The following DCAF5 variants were observed in gnomAD, a reference collection of about 807,000 sequenced individuals.
DCAF5 encodes the protein DDB1- and CUL4-associated factor 5.
DCAF5 carries 9 observed loss-of-function variants against 80.7 expected under a neutral mutation model. The ratio of observed to expected loss-of-function variants is 0.11; its 90% confidence interval spans 0.07 to 0.19. DCAF5 has a LOEUF of 0.19. Ranked by LOEUF, DCAF5 falls within the 10% of genes least tolerant of loss-of-function variation. The pLI, the probability that DCAF5 is intolerant of heterozygous loss-of-function variation, is 1.00. For synonymous variants in DCAF5, 433 were observed against 461.9 expected (o/e 0.94, Z 0.80); for missense variants, 842 against 1,205.7 (o/e 0.70, Z 4.47).
chr14:69,143,738 A>G (rs1313121177), intron 1 of DCAF5: 7 of 152,452 alleles, frequency 4.6e-5, no homozygotes, highest in African/African-American at 1.7e-4. Flanking sequence ...ACTAAAACTG[A>G]AAAGAACAAA....
intron 1 of DCAF5, among the ~76,000 whole-genome samples, chr14:69,141,255 A>G (rs1393076592): frequency 1.3e-5 from 2 of 151,888 alleles, no homozygotes; most frequent in East Asian, 3.9e-4. Context: ...TGAGGAGCTA[A>G]GAGACTGGGG....
rs2041738114 is a variant in DCAF5 at position 69,152,477 on chromosome 14, T to C, written c.214+288A>G. 6.3e-6 allele frequency: 2 copies of C among 319,022 alleles called. No individual in the cohort carries two copies. The highest frequency in any genetic ancestry group is 6.0e-5 in the South Asian group (1 of 16,806). 19.8% of individuals were successfully genotyped at this position (319,022 alleles called of 1,614,324 possible). A position where few individuals can be genotyped will look rare whatever the true frequency, so the allele number is the denominator to read the frequency against. On this transcript the variant is annotated intron_variant, in intron 1 of 8. Coordinates refer to ENST00000341516, the MANE Select transcript of DCAF5 (RefSeq NM_003861.3). This position sits in a 1 kb window ranked among gnomAD's most constrained non-coding sequence, Gnocchi z 4.1. ...TTGTAGAGCGGTAACCTCGCCCCCC[T>C]CCCCGACCTACACTTTCAGGGCAGG...
intron 5 of DCAF5, among the ~76,000 whole-genome samples, chr14:69,097,691 A>G (rs2039778830): frequency 6.6e-6 from 1 of 150,744 alleles, no homozygotes; most frequent in Admixed American, 6.6e-5. Context: ...GGTTCAAGCA[A>G]CTCTCCTGCC....
At chr14:69,150,982 A>G (rs1273845580) in intron 1 of DCAF5, among the ~76,000 whole-genome samples, 1 of 152,190 alleles carries the variant, frequency 6.6e-6, no homozygotes, top group East Asian at 1.9e-4. Context: ...GTTGTCTCTA[A>G]AAGAGTACCC....
intron 5 of DCAF5, among the ~76,000 whole-genome samples, chr14:69,107,072 TAAG>T (rs1202182256): frequency 1.4e-5 from 1 of 73,702 alleles, no homozygotes; most frequent in Non-Finnish European, 3.2e-5. Flanking sequence ...AATAATTAAA[TAAG>T]AAAGTCCATT....
rs2037955206 is a variant in DCAF5, at chr14:69,055,970, T to A, written c.1075-359A>T. 6.6e-6 allele frequency among the ~76,000 whole-genome samples: 1 copy of A among 152,170 alleles called. No homozygotes were observed. The highest frequency in any genetic ancestry group is 1.5e-5 in the Non-Finnish European group (1 of 68,030). ...TAGTAGTTGGACATTATAATAATAA[T>A]CCTGGAGAATAGAGGATGACTTGAA... On this transcript the variant is annotated intron_variant, in intron 8 of 8. Transcript: ENST00000341516. The surrounding 1 kb of genome is among the most constrained non-coding windows in gnomAD (Gnocchi z 5.6).
Position 69,135,757 on chromosome 14 carries a change from C to T in DCAF5, c.215-13397G>A, listed in dbSNP as rs568608443. Among the ~76,000 whole-genome samples the T allele has an allele frequency of 4.6e-5, 7 of 152,284 alleles. 2 individuals carry two copies. Among genetic ancestry groups the T allele is most frequent in the African/African-American group, 1.4e-4 (6 of 41,538 alleles). ...ATAACCACTTCCCAATACACAGAGG[C>T]TTTTCTGATGAGACTGGTGGCAATG... On this transcript the variant is annotated intron_variant, in intron 1 of 8. Transcript: ENST00000341516.
chr14:69,108,136 CT>C (rs1255409713), intron 5 of DCAF5, among the ~76,000 whole-genome samples: 8 of 152,200 alleles, frequency 5.3e-5, no homozygotes, highest in Non-Finnish European at 8.8e-5. Flanking sequence ...ATCATAAGTA[CT>C]TTACAGAGAT....
intron 6 of DCAF5, chr14:69,089,215 A>C (rs949113539): frequency 6.6e-6 from 1 of 152,630 alleles, no homozygotes; most frequent in Non-Finnish European, 1.5e-5. Context: ...TTACTTCAAC[A>C]AATTTTTATT....
At chr14:69,084,822 C>A in intron 6 of DCAF5, 1 of 1,066,292 alleles carries the variant, frequency 9.4e-7, no homozygotes, top group Non-Finnish European at 1.4e-6. Context: ...CTATTGTGTA[C>A]AGATGTGGCA....
In DCAF5 at chr14:69,055,231, G is replaced by A. The variant is rs144184761; in HGVS notation, c.1455C>T (p.Pro485=). 5.9e-5 allele frequency: 95 copies of A among 1,614,074 alleles called. No homozygotes were observed. The highest frequency in any genetic ancestry group is 7.6e-5 in the Non-Finnish European group (90 of 1,180,048). ...CTGTGTTTGTGGTGGTGACCCGCAGGGGCCCCAGGTGGAAGGCGTTGTCGG... is the reference window on the plus strand; with the variant it reads ...CTGTGTTTGTGGTGGTGACCCGCAGAGGCCCCAGGTGGAAGGCGTTGTCGG... The part of the protein sequence containing the change: ...ESADNAFHLG[P]LRVTTTNTVA... The change falls in exon 9 of 9, where the codon CCC becomes CCT. Residue 485 remains proline (P), a synonymous_variant. Coordinates refer to ENST00000341516, the MANE Select transcript of DCAF5 (RefSeq NM_003861.3). The surrounding 1 kb of genome is among the most constrained non-coding windows in gnomAD (Gnocchi z 5.6).
chr14:69,129,279 T>A (rs1327857151), intron 1 of DCAF5, among the ~76,000 whole-genome samples: 1 of 152,150 alleles, frequency 6.6e-6, no homozygotes, highest in Non-Finnish European at 1.5e-5. Flanking sequence ...AAGGTTAGCA[T>A]CAGAAGATGT....
rs56772570 is a variant in DCAF5 at position 69,097,148 on chromosome 14, G to A, written c.666-5261C>T. On this transcript the variant is annotated intron_variant, in intron 5 of 8. Transcript: ENST00000341516. ...GTCTGGAAAAAAATCCTAAGCAGAAGAGGGTTTGAAAAGAAAAATCATGAT... is the reference window on the plus strand; with the variant it reads ...GTCTGGAAAAAAATCCTAAGCAGAAAAGGGTTTGAAAAGAAAAATCATGAT... Among the ~76,000 whole-genome samples, 875 of 152,240 alleles carry A rather than the reference G, an allele frequency of 5.7e-3. 3 individuals are homozygous for A. Among genetic ancestry groups the A allele is most frequent in the African/African-American group, 0.018 (747 of 41,544 alleles).
intron 7 of DCAF5, among the ~76,000 whole-genome samples, chr14:69,071,903 T>C (rs1057185589): frequency 6.6e-6 from 1 of 152,190 alleles, no homozygotes; most frequent in Admixed American, 6.5e-5. Context: ...TGAAGCCATG[T>C]TGAAGAGTAG....
Position 69,075,114 on chromosome 14 carries a change from A to C in DCAF5, c.946+231T>G, listed in dbSNP as rs151066691. On this transcript the variant is annotated intron_variant, in intron 7 of 8. Transcript: ENST00000341516. Reference sequence around the variant, plus strand: ...AAAGGAGTTCTATGAAGTCTGAAGAAAAGTTTTTAGGAGGAAAAAAAAATC... The same window carrying C: ...AAAGGAGTTCTATGAAGTCTGAAGACAAGTTTTTAGGAGGAAAAAAAAATC... Among the ~76,000 whole-genome samples, 245 of 152,306 alleles carry C rather than the reference A, an allele frequency of 1.6e-3. 1 individual carries two copies. Among genetic ancestry groups the C allele is most frequent in the African/African-American group, 5.8e-3 (240 of 41,568 alleles).
intron 7 of DCAF5, 43 bp downstream of exon 7, chr14:69,075,302 A>G (rs371053668): frequency 6.8e-5 from 106 of 1,557,722 alleles, no homozygotes; most frequent in Non-Finnish European, 8.8e-5. Flanking sequence ...AAAGGTCAAC[A>G]GAGCCAGCAA....
intron 6 of DCAF5, chr14:69,091,063 C>A (rs775964021): frequency 1.7e-5 from 13 of 748,184 alleles, no homozygotes; most frequent in Non-Finnish European, 2.9e-5. Flanking sequence ...TCTTAAACTG[C>A]CAGCTTTAAG....
chr14:69,103,529 T>C (rs1292238362), intron 5 of DCAF5, among the ~76,000 whole-genome samples: 2 of 152,262 alleles, frequency 1.3e-5, no homozygotes, highest in Non-Finnish European at 2.9e-5. Flanking sequence ...TACCACCATC[T>C]TGCATAGCCA....
At chr14:69,094,395 A>G (rs184182725) in intron 5 of DCAF5, among the ~76,000 whole-genome samples, 23 of 152,308 alleles carry the variant, frequency 1.5e-4, no homozygotes, top group Admixed American at 1.1e-3. Context: ...GGGCTCCAGG[A>G]TAGTAACTAA....
Sources: allele counts gnomAD v4.1 joint callset (sites outside exome capture counted in the v4.1 genomes callset), GRCh38; gene constraint gnomAD v4.1.1; non-coding constraint Gnocchi (gnomAD v3.1); transcripts MANE v1.5; gene names NCBI Gene and HGNC (gene_info 2026-07-23, HGNC 2026-07-21).